Variants in TTC39B observed in about 807,000 individuals in gnomAD.
The protein encoded by TTC39B is tetratricopeptide repeat protein 39B.
TTC39B carries 92 observed loss-of-function variants against 96.6 expected under a neutral mutation model. The ratio of observed to expected loss-of-function variants is 0.95; its 90% CI spans 0.80 to 1.13. The LOEUF is 1.13. Ranked by LOEUF, TTC39B falls within the 50% of genes most tolerant of loss-of-function variation. The pLI is 0.00. For synonymous variants in TTC39B, 367 were observed against 299.4 expected, an observed-to-expected ratio of 1.23 and a Z score of -2.33; for missense variants, 955 against 809.3, an observed-to-expected ratio of 1.18 and a Z score of -2.18.
At chr9:15,182,437 C>G (rs374778395) in intron 16 of TTC39B, 22 bp from the exon 17 acceptor site, 8 of 1,547,782 alleles carry the variant, frequency 5.2e-6, no homozygotes, top group South Asian at 1.1e-5. Flanking sequence ...AAATGAAAAC[C>G]ATTTGCAGTT....
At chr9:15,196,131 C>G (rs1296212483) in intron 8 of TTC39B, among the ~76,000 whole-genome samples, 6 of 152,168 alleles carry the variant, frequency 3.9e-5, no homozygotes, top group African/African-American at 1.4e-4. Flanking sequence ...ACATTTATTT[C>G]AAAGTATTAT....
At chr9:15,187,126 A>T in intron 14 of TTC39B, 91 bp from the exon 15 acceptor site, 2 of 905,912 alleles carry the variant, frequency 2.2e-6, no homozygotes, top group South Asian at 2.0e-5. Context: ...AGTCTTCCAG[A>T]TATAAAATTA....
At chr9:15,292,086 T>C (rs1269471917) in intron 1 of TTC39B, among the ~76,000 whole-genome samples, 1 of 152,228 alleles carries the variant, frequency 6.6e-6, no homozygotes, top group African/African-American at 2.4e-5. Flanking sequence ...TGTAAGTACA[T>C]TCATAAGGCT....
chr9:15,170,780 C>T (rs904064947), exon 20 of TTC39B: 1 of 152,130 alleles, frequency 6.6e-6, no homozygotes, highest in Non-Finnish European at 1.5e-5. Context: ...GATGCCACAA[C>T]ACATACATGT....
At chr9:15,242,356 C>A (rs147820665) in intron 2 of TTC39B, among the ~76,000 whole-genome samples, 7,929 of 152,096 alleles carry the variant, frequency 0.052, 685 homozygotes, top group African/African-American at 0.18. Flanking sequence ...CCAAGGCAGG[C>A]GGATCACTTG....
At chr9:15,287,431 C>T (rs1193504986) in intron 1 of TTC39B, among the ~76,000 whole-genome samples, 1 of 152,148 alleles carries the variant, frequency 6.6e-6, no homozygotes, top group Non-Finnish European at 1.5e-5. Context: ...TCTCCAATTG[C>T]CACAGTTGAA....
At chr9:15,231,462 TC>T (rs1347506802) in intron 2 of TTC39B, among the ~76,000 whole-genome samples, 1 of 152,234 alleles carries the variant, frequency 6.6e-6, no homozygotes, top group Non-Finnish European at 1.5e-5. Context: ...ATGTTGAGAA[TC>T]TTTTTTAAGT....
intron 1 of TTC39B, among the ~76,000 whole-genome samples, chr9:15,301,291 C>T (rs112368229): frequency 6.6e-5 from 10 of 152,188 alleles, no homozygotes; most frequent in Middle Eastern, 3.2e-3. Flanking sequence ...GACCTTCCTA[C>T]CTAAAACCTA....
chr9:15,181,019 G>A lies in TTC39B; in HGVS notation c.1723+1288C>T, dbSNP rs113994683. 6.1e-3 allele frequency among the ~76,000 whole-genome samples: 935 copies of A among 152,236 alleles called. 10 individuals carry two copies. Among genetic ancestry groups the A allele is most frequent in the African/African-American group, 0.021 (879 of 41,532 alleles). On this transcript the variant is annotated intron_variant, in intron 17 of 19. Transcript: ENST00000512701. ...TCTCAGCATGTCATTAAGAGAAAAA[G>A]GAATGGGTGGAGGAGAGTGACTTGG...
chr9:15,250,319 T>C (rs1822477717), intron 2 of TTC39B: 3 of 596,626 alleles, frequency 5.0e-6, no homozygotes, highest in Non-Finnish European at 6.3e-6. Flanking sequence ...GCAAGGAACA[T>C]ACAAATGGCC....
At chr9:15,243,011 C>G (rs1226203285) in intron 2 of TTC39B, among the ~76,000 whole-genome samples, 1 of 152,124 alleles carries the variant, frequency 6.6e-6, no homozygotes, top group Non-Finnish European at 1.5e-5. Context: ...ACAGGCACAC[C>G]AACAGTCCAG....
chr9:15,186,723 CTCTG>C (rs1818546325), intron 15 of TTC39B: 3 of 397,212 alleles, frequency 7.6e-6, no homozygotes, highest in Middle Eastern at 4.9e-4. Context: ...CAGAGTCTCA[CTCTG>C]TCTGTCACCC....
At chr9:15,280,402 C>T (rs910526133) in intron 1 of TTC39B, among the ~76,000 whole-genome samples, 3 of 152,136 alleles carry the variant, frequency 2.0e-5, no homozygotes, top group Non-Finnish European at 4.4e-5. Flanking sequence ...CCTTCCCTAC[C>T]GCATTGGATG....
intron 3 of TTC39B, among the ~76,000 whole-genome samples, chr9:15,216,064 A>T (rs552768): frequency 0.38 from 58,056 of 151,888 alleles, 11,385 homozygotes; most frequent in African/African-American, 0.41. Context: ...GGTCTTCTCA[A>T]GGCTCCTTCT....
At chr9:15,282,359 G>A (rs1185251191) in intron 1 of TTC39B, among the ~76,000 whole-genome samples, 7 of 152,202 alleles carry the variant, frequency 4.6e-5, no homozygotes, top group Non-Finnish European at 2.9e-5. Flanking sequence ...TGACTGCAGA[G>A]GGATAGATAC....
At chr9:15,263,924 A>C (rs1483959882) in intron 2 of TTC39B, among the ~76,000 whole-genome samples, 2 of 152,248 alleles carry the variant, frequency 1.3e-5, no homozygotes, top group Non-Finnish European at 2.9e-5. Flanking sequence ...GCACACCAGA[A>C]ACCTAAAAGA....
chr9:15,289,354 T>C lies in TTC39B; in HGVS notation c.240+17730A>G, dbSNP rs1430181741. Among the ~76,000 whole-genome samples, 3 of 152,224 alleles carry C rather than the reference T, an allele frequency of 2.0e-5. No individual in the cohort carries two copies. In the East Asian group the frequency reaches 5.8e-4, roughly 29 times the overall value. On this transcript the variant is annotated intron_variant, in intron 1 of 19. Coordinates refer to ENST00000512701, the Ensembl canonical transcript of TTC39B. ...TAAAACTCTAGTCATATGAATGTAC[T>C]TACAAAAAGTAAACTTTATACACAA...
chr9:15,172,742 T>C (rs370346176), intron 19 of TTC39B, among the ~76,000 whole-genome samples: 35 of 152,164 alleles, frequency 2.3e-4, no homozygotes, highest in African/African-American at 7.2e-4. Flanking sequence ...ATCAGAAAAA[T>C]GGAATACTTT....
chr9:15,175,159 G>C (rs1353488937), intron 18 of TTC39B, 24 bp from the exon 19 acceptor site: 2 of 1,494,546 alleles, frequency 1.3e-6, no homozygotes, highest in Admixed American at 1.7e-5. Context: ...GGAAAATCAA[G>C]TAAATCTTAA....
Sources: gnomAD v4.1 joint callset for allele counts (sites outside exome capture counted in the v4.1 genomes callset) on GRCh38, gnomAD v4.1.1 for gene constraint, MANE v1.5 for transcripts, NCBI Gene and HGNC (gene_info 2026-07-23, HGNC 2026-07-21) for gene names.